Variants in GPC5 observed in about 807,000 individuals in gnomAD.
The protein encoded by GPC5 is glypican 5, also known as glypican-5.
A neutral mutation model predicts 53.9 loss-of-function variants in GPC5; 47 were observed. The observed-to-expected ratio is 0.87, with a 90% confidence interval of 0.69 to 1.11. The LOEUF is 1.11. Among genes scored for constraint, GPC5 ranks in the 50% most tolerant of loss-of-function variants. GPC5 has a pLI of 0.00. For missense variants in GPC5, 748 were observed against 713.1 expected (o/e 1.05, Z -0.56); for synonymous variants, 286 against 263.3 (o/e 1.09, Z -0.84).
intron 7 of GPC5, among the ~76,000 whole-genome samples, chr13:92,768,564 CT>C (rs1875496413): frequency 6.6e-6 from 1 of 151,974 alleles, no homozygotes; most frequent in Non-Finnish European, 1.5e-5. Flanking sequence ...TTTATTGTTC[CT>C]TTTACCTGAT....
chr13:91,929,247 T>C (rs1459784693), intron 6 of GPC5, among the ~76,000 whole-genome samples: 1 of 152,116 alleles, frequency 6.6e-6, no homozygotes, highest in East Asian at 1.9e-4. Flanking sequence ...ATTCAAATGG[T>C]CCCTAAAGTA....
chr13:92,737,114 T>C (rs961733440), intron 7 of GPC5, among the ~76,000 whole-genome samples: 28 of 152,052 alleles, frequency 1.8e-4, no homozygotes, highest in African/African-American at 6.5e-4. Context: ...CATCATTGCA[T>C]AGCTACTTTG....
chr13:91,519,911 A>G lies in GPC5; in HGVS notation c.325+70989A>G, dbSNP rs1162280179. Among the ~76,000 whole-genome samples, 3 of 152,230 alleles carry G rather than the reference A, an allele frequency of 2.0e-5. No individual in the cohort carries two copies. The East Asian group carries it at 5.8e-4, about 29-fold the overall frequency. On this transcript the variant is annotated intron_variant, in intron 2 of 7. Transcript: ENST00000377067. ...AAAAAAAATAGTTCCAAGGAAAAAA[A>G]GAACTTATCAAAAAAAATCAGTGAA...
At chr13:92,363,150 C>T (rs1020094498) in intron 7 of GPC5, among the ~76,000 whole-genome samples, 8 of 151,566 alleles carry the variant, frequency 5.3e-5, no homozygotes, top group African/African-American at 2.0e-4. Flanking sequence ...AGGTAACTAC[C>T]AAAAGTGGGG....
intron 7 of GPC5, among the ~76,000 whole-genome samples, chr13:92,794,924 A>T (rs569541357): frequency 6.6e-6 from 1 of 152,310 alleles, no homozygotes; most frequent in South Asian, 2.1e-4. Context: ...GCTCACGTAT[A>T]TGAAGAATCA....
chr13:92,250,627 T>A (rs541885779), intron 7 of GPC5, among the ~76,000 whole-genome samples: 23 of 152,258 alleles, frequency 1.5e-4, no homozygotes, highest in African/African-American at 5.5e-4. Context: ...GCTGTGGTTT[T>A]CTCTGCTTTA....
chr13:91,551,194 A>G (rs559506847), intron 2 of GPC5, among the ~76,000 whole-genome samples: 3 of 152,230 alleles, frequency 2.0e-5, no homozygotes, highest in South Asian at 2.1e-4. Flanking sequence ...AGAATCAGCT[A>G]TAAAATAAGT....
intron 7 of GPC5, among the ~76,000 whole-genome samples, chr13:92,192,857 G>GA (rs1232287664): frequency 6.6e-6 from 1 of 151,942 alleles, no homozygotes; most frequent in East Asian, 1.9e-4. Context: ...GAAATAATTT[G>GA]AAAAAAATTT....
intron 4 of GPC5, among the ~76,000 whole-genome samples, chr13:91,738,302 T>G (rs1247986915): frequency 6.6e-6 from 1 of 151,346 alleles, no homozygotes; most frequent in African/African-American, 2.5e-5. Context: ...TGACAAAAAG[T>G]TATATTTTGG....
At chr13:91,727,151 A>G (rs1046322808) in intron 3 of GPC5, among the ~76,000 whole-genome samples, 1 of 152,238 alleles carries the variant, frequency 6.6e-6, no homozygotes, top group African/African-American at 2.4e-5. Context: ...ACATGAGGCC[A>G]TGCCTTATTC....
At chr13:91,400,389 C>T (rs1302723824) in intron 1 of GPC5, among the ~76,000 whole-genome samples, 1 of 152,186 alleles carries the variant, frequency 6.6e-6, no homozygotes, top group African/African-American at 2.4e-5. Context: ...CAGTCTTAAA[C>T]CCAGCTATTT....
chr13:91,441,860 A>G (rs543560513), intron 1 of GPC5, among the ~76,000 whole-genome samples: 1 of 152,298 alleles, frequency 6.6e-6, no homozygotes, highest in South Asian at 2.1e-4. Flanking sequence ...CCCTGTTTTC[A>G]TCTGGTGAGC....
chr13:91,889,407 A>T (rs1033784841), intron 5 of GPC5, among the ~76,000 whole-genome samples: 3 of 151,854 alleles, frequency 2.0e-5, no homozygotes, highest in Non-Finnish European at 4.4e-5. Flanking sequence ...ATTGGGTGTC[A>T]GTTTTAGTAA....
chr13:92,341,525 G>A (rs1401534645), intron 7 of GPC5, among the ~76,000 whole-genome samples: 7 of 151,954 alleles, frequency 4.6e-5, no homozygotes, highest in Admixed American at 4.6e-4. Flanking sequence ...TTAGAAACTT[G>A]TTTTACAGAA....
intron 7 of GPC5, among the ~76,000 whole-genome samples, chr13:92,452,471 T>C (rs911733773): frequency 2.0e-5 from 3 of 152,172 alleles, no homozygotes; most frequent in African/African-American, 7.2e-5. Flanking sequence ...ATAAAAGCTA[T>C]CCTTCGAGAC....
rs77259488 is a variant in GPC5, at chr13:92,652,127, T to C, written c.1562-214155T>C. The stretch of plus-strand genomic sequence containing the variant: ...GGTAAATGTGGGCATAGGGTTTTTT[T>C]CTATACATTTCTCTTATTTGAATAT... On this transcript the variant is annotated intron_variant, in intron 7 of 7. Transcript: ENST00000377067. Among the ~76,000 whole-genome samples, 1,382 of 152,298 alleles carry C rather than the reference T, an allele frequency of 9.1e-3. 21 individuals carry two copies. Among genetic ancestry groups the C allele is most frequent in the African/African-American group, 0.031 (1,308 of 41,576 alleles).
chr13:91,656,020 A>G (rs1263499597), intron 2 of GPC5, among the ~76,000 whole-genome samples: 2 of 152,170 alleles, frequency 1.3e-5, no homozygotes, highest in Non-Finnish European at 2.9e-5. Flanking sequence ...TCGTTGTGTC[A>G]GCTGAGAAAT....
chr13:91,875,287 T>A (rs141815528), intron 5 of GPC5, among the ~76,000 whole-genome samples: 1 of 152,360 alleles, frequency 6.6e-6, no homozygotes, highest in East Asian at 1.9e-4. Context: ...TTTGTTTGCA[T>A]CTTCCCCGTG....
chr13:91,418,063 T>G (rs933246629), intron 1 of GPC5, among the ~76,000 whole-genome samples: 3 of 152,108 alleles, frequency 2.0e-5, no homozygotes, highest in Admixed American at 6.6e-5. Flanking sequence ...GCCTGGGACA[T>G]GAATTGTCCC....
Sources: gnomAD v4.1 joint callset for allele counts (sites outside exome capture counted in the v4.1 genomes callset) on GRCh38, gnomAD v4.1.1 for gene constraint, MANE v1.5 for transcripts, NCBI Gene and HGNC (gene_info 2026-07-23, HGNC 2026-07-21) for gene names.